Variants in GSE1 observed in about 807,000 individuals in gnomAD.
GSE1 encodes genetic suppressor element 1.
Under a neutral mutation model 112.6 loss-of-function variants are expected in GSE1, and 32 were observed. That is an observed-to-expected ratio of 0.28 (90% confidence interval 0.21 to 0.38). The LOEUF (loss-of-function observed/expected upper bound fraction) is 0.38. Among genes scored for constraint, GSE1 ranks in the 10% least tolerant of loss-of-function variants. The pLI, the probability that GSE1 is intolerant of heterozygous loss-of-function variation, is 1.00. For missense variants in GSE1, 2,348 were observed against 1,699.2 expected, an observed-to-expected ratio of 1.38 and a Z score of -6.71; for synonymous variants, 1,115 against 735.6, an observed-to-expected ratio of 1.52 and a Z score of -8.35.
intron 1 of GSE1, among the ~76,000 whole-genome samples, chr16:85,556,618 T>C (rs2045229001): frequency 4.6e-5 from 7 of 150,940 alleles, no homozygotes. Flanking sequence ...CGCGTCTCGC[T>C]CCTTTTGTCT....
chr16:85,606,444 C>T (rs2047707202), upstream of GSE1, among the ~76,000 whole-genome samples: 1 of 152,226 alleles, frequency 6.6e-6, no homozygotes, highest in Non-Finnish European at 1.5e-5. Context: ...GGTGCCCTCA[C>T]ACAGCTGCAC....
rs200018387 is a variant in GSE1, at chr16:85,665,075, T to C, written c.2705T>C (p.Val902Ala). 3.1e-6 allele frequency: 5 copies of C among 1,613,064 alleles called. No homozygotes were observed. In the African/African-American group the frequency reaches 6.7e-5, roughly 21 times the overall value. ...AAGCAGAAGGCACTGTCAGCAGCAG[T>C]GGCCGACTCCTTGACAAACTCTCCG... ...AMKQKALSAA[V>A]ADSLTNSPRD... is the part of the protein sequence containing the mutation. Residue 902 changes from valine (V) to alanine (A), a missense_variant, in exon 12 of 16, where the codon GTG becomes GCG. By Grantham distance (64) the Val-to-Ala change is moderately conservative (BLOSUM62 0). Transcript: ENST00000253458.
chr16:85,413,411 T>C (rs1283863094), intron 2 of GSE1, among the ~76,000 whole-genome samples: 2 of 152,112 alleles, frequency 1.3e-5, no homozygotes, highest in African/African-American at 4.8e-5. Flanking sequence ...CTTCCCCAGC[T>C]GTGACCCCCA....
chr16:85,533,640 G>T (rs979868705), intron 2 of GSE1, among the ~76,000 whole-genome samples: 1 of 152,100 alleles, frequency 6.6e-6, no homozygotes, highest in Non-Finnish European at 1.5e-5. Context: ...AAAGCAGGAG[G>T]ATCACTTCAG....
At chr16:85,522,402 C>A (rs919057798) in intron 2 of GSE1, among the ~76,000 whole-genome samples, 1 of 151,970 alleles carries the variant, frequency 6.6e-6, no homozygotes, top group African/African-American at 2.4e-5. Context: ...CAGCCCATCC[C>A]TCCCCATGTC....
At chr16:85,280,822 G>C (rs2930239) in intron 1 of GSE1, among the ~76,000 whole-genome samples, 12,514 of 152,280 alleles carry the variant, frequency 0.082, 1,468 homozygotes, top group African/African-American at 0.27. Context: ...TGAGGACTCT[G>C]TCTTGTGTTA....
Position 85,646,976 on chromosome 16 carries a change from C to T in GSE1, c.227-1576C>T, listed in dbSNP as rs183010699. 5.9e-5 allele frequency among the ~76,000 whole-genome samples: 9 copies of T among 152,232 alleles called. No individual in the cohort carries two copies. In the East Asian group the frequency reaches 1.2e-3, roughly 20 times the overall value. On this transcript the variant is annotated intron_variant, in intron 2 of 15. Transcript: ENST00000253458. ...TTGCAGCAGGTGCCTTTGGACACCCCCTACCCCTGCCACCACACACACTTG... is the reference window on the plus strand; with the variant it reads ...TTGCAGCAGGTGCCTTTGGACACCCTCTACCCCTGCCACCACACACACTTG...
At chr16:85,172,492 C>T (rs1370891604) in intron 1 of GSE1, among the ~76,000 whole-genome samples, 2 of 152,236 alleles carry the variant, frequency 1.3e-5, no homozygotes, top group Non-Finnish European at 2.9e-5. Flanking sequence ...TATAAGGCGC[C>T]TGCCTTCCTG....
rs2046336375 is a variant in GSE1, at chr16:85,578,835, A to AC, written c.37+22476dup. On this transcript the variant is annotated intron_variant, in intron 1 of 2. Coordinates refer to the GSE1 transcript ENST00000635906. ...CTTTGAGGCTCTCTGGCCACCGTGC[A>AC]CCCCGGTCACTCACCCATCCTGCAC... Among the ~76,000 whole-genome samples, 9 of 148,456 alleles carry AC rather than the reference A, an allele frequency of 6.1e-5. No individual in the cohort carries two copies. In the South Asian group the frequency reaches 1.9e-3, roughly 32 times the overall value.
At chr16:85,203,478 G>A (rs1567608261) in intron 1 of GSE1, among the ~76,000 whole-genome samples, 1 of 152,194 alleles carries the variant, frequency 6.6e-6, no homozygotes, top group Non-Finnish European at 1.5e-5. Context: ...GGGGTTGGAT[G>A]GAGGGAGACC....
At chr16:85,256,542 G>A (rs572962732) in intron 1 of GSE1, among the ~76,000 whole-genome samples, 20 of 152,360 alleles carry the variant, frequency 1.3e-4, no homozygotes, top group Admixed American at 3.9e-4. Context: ...GTTCCTTGGC[G>A]AAGCTCCCAC....
chr16:85,195,998 C>G (rs920303875), intron 1 of GSE1, among the ~76,000 whole-genome samples: 2 of 152,162 alleles, frequency 1.3e-5, no homozygotes, highest in African/African-American at 4.8e-5. Flanking sequence ...ACACGACACC[C>G]CAGCGGAGTC....
chr16:85,358,740 G>T (rs895348333), intron 2 of GSE1, among the ~76,000 whole-genome samples: 11 of 152,212 alleles, frequency 7.2e-5, no homozygotes, highest in Non-Finnish European at 1.5e-4. Flanking sequence ...CCTCTGAAGG[G>T]CTTCCAGACA....
chr16:85,648,467 G>T, intron 2 of GSE1, 85 bp from the exon 3 acceptor site: 1 of 684,812 alleles, frequency 1.5e-6, no homozygotes, highest in Non-Finnish European at 2.5e-6. Context: ...GGAGCAGGGG[G>T]GCAGCTGGAG....
chr16:85,280,910 TCCTCGGG>T (rs1443409024), intron 1 of GSE1, among the ~76,000 whole-genome samples: 1 of 152,034 alleles, frequency 6.6e-6, no homozygotes, highest in Non-Finnish European at 1.5e-5. Flanking sequence ...GTCCCGTGGG[TCCTCGGG>T]CTGAATTGGA....
intron 9 of GSE1, chr16:85,662,667 C>T (rs1467102888): frequency 4.4e-5 from 15 of 340,166 alleles, no homozygotes; most frequent in Admixed American, 1.8e-4. Flanking sequence ...CCTGTGTTGC[C>T]GTGGACACAG....
At chr16:85,251,808 G>C (rs530700405) in intron 1 of GSE1, among the ~76,000 whole-genome samples, 1 of 152,336 alleles carries the variant, frequency 6.6e-6, no homozygotes, top group Non-Finnish European at 1.5e-5. Flanking sequence ...ACTGGCACCC[G>C]GCTCCTGTCT....
chr16:85,198,737 C>G (rs986824088), intron 1 of GSE1, among the ~76,000 whole-genome samples: 1 of 152,178 alleles, frequency 6.6e-6, no homozygotes, highest in Admixed American at 6.5e-5. Context: ...TGCTCCTTGC[C>G]AGGCCTCCTT....
chr16:85,324,397 C>A (rs1448828192), intron 1 of GSE1, among the ~76,000 whole-genome samples: 1 of 151,658 alleles, frequency 6.6e-6, no homozygotes, highest in Non-Finnish European at 1.5e-5. Flanking sequence ...GTAATCGCAG[C>A]TACTTGGGAG....
Sources: gnomAD v4.1 joint callset for allele counts (sites outside exome capture counted in the v4.1 genomes callset) on GRCh38, gnomAD v4.1.1 for gene constraint, MANE v1.5 for transcripts, NCBI Gene and HGNC (gene_info 2026-07-23, HGNC 2026-07-21) for gene names.